ATP2C1: variants seen among roughly 807,000 people sequenced by gnomAD.
ATP2C1 encodes the protein calcium-transporting ATPase type 2C member 1.
ATP2C1 carries 31 observed loss-of-function variants against 120.5 expected under a neutral mutation model. That is an observed-to-expected ratio of 0.26 (90% CI 0.19 to 0.35). The LOEUF (loss-of-function observed/expected upper bound fraction) is 0.35. ATP2C1 is among the 10% of genes least tolerant of loss of function. The probability of loss-of-function intolerance (pLI) is 1.00; values close to 1 mark genes in which losing one functional copy is unlikely to be tolerated. For missense variants in ATP2C1, 731 were observed against 1,107.5 expected (o/e 0.66, Z 4.83); for synonymous variants, 351 against 358.7 (o/e 0.98, Z 0.24).
At chr3:130,965,157 A>G (rs2060996781) in intron 14 of ATP2C1, 112 bp downstream of exon 14, 1 of 734,820 alleles carries the variant, frequency 1.4e-6, no homozygotes, top group Admixed American at 2.0e-5. Context: ...GTAAATTAGT[A>G]GTGGAGTTAT....
At chr3:130,900,013 T>TA (rs2070013080) in intron 2 of ATP2C1, among the ~76,000 whole-genome samples, 1 of 152,060 alleles carries the variant, frequency 6.6e-6, no homozygotes, top group African/African-American at 2.4e-5. Flanking sequence ...CAGAAGGAAA[T>TA]ACGTTAATTT....
chr3:130,936,980 A>C (rs1331203472), intron 5 of ATP2C1, among the ~76,000 whole-genome samples: 1 of 151,664 alleles, frequency 6.6e-6, no homozygotes, highest in Non-Finnish European at 1.5e-5. Context: ...GTCATATATT[A>C]AAATATAAAA....
At chr3:130,916,671 G>A (rs1255885848) in intron 2 of ATP2C1, among the ~76,000 whole-genome samples, 1 of 152,100 alleles carries the variant, frequency 6.6e-6, no homozygotes. Context: ...TGAAGTGGAG[G>A]ACTGTTTGAA....
At chr3:130,997,458 C>T (rs1379158988) in intron 24 of ATP2C1, 148 bp from the exon 25 acceptor site, 20 of 696,550 alleles carry the variant, frequency 2.9e-5, no homozygotes, top group Admixed American at 5.3e-5. Flanking sequence ...GTTATTTTTG[C>T]GTAATCAGCC....
At chr3:130,932,637 T>C (rs1376315771) in intron 4 of ATP2C1, among the ~76,000 whole-genome samples, 3 of 152,154 alleles carry the variant, frequency 2.0e-5, no homozygotes, top group Admixed American at 6.5e-5. Context: ...TAGTTATTTA[T>C]ATTTTTTCAT....
At chr3:130,915,075 AT>A in intron 2 of ATP2C1, among the ~76,000 whole-genome samples, 1 of 150,040 alleles carries the variant, frequency 6.7e-6, no homozygotes, top group South Asian at 2.1e-4. Flanking sequence ...ACTTACTGGG[AT>A]TAATTCATTC....
intron 11 of ATP2C1, 61 bp downstream of exon 11, chr3:130,956,240 G>T: frequency 9.7e-7 from 1 of 1,030,282 alleles, no homozygotes; most frequent in Non-Finnish European, 1.5e-6. Context: ...AATGTGAAGG[G>T]TGGTGGTATT....
Position 130,956,157 on chromosome 3 carries a change from C to T in ATP2C1, c.810C>T (p.Ser270=), listed in dbSNP as rs377696166. Residue 270 remains serine (S), a synonymous_variant, in exon 11 of 28, where the codon TCC becomes TCT. Transcript: ENST00000510168. The stretch of plus-strand genomic sequence containing the variant: ...TGGACCTCTTAGGAAAACAACTTTC[C>T]TTTTACTCCTTTGGTATAATAGGTA... ...KSMDLLGKQL[S]FYSFGIIGII... 13 of 1,607,026 alleles carry T rather than the reference C, an allele frequency of 8.1e-6. No homozygotes were observed. In the African/African-American group the frequency reaches 1.3e-4, roughly 17 times the overall value.
At chr3:130,969,094 A>G (rs1453652953) in intron 16 of ATP2C1, among the ~76,000 whole-genome samples, 198 bp from the exon 17 acceptor site, 1 of 152,212 alleles carries the variant, frequency 6.6e-6, no homozygotes, top group Non-Finnish European at 1.5e-5. Context: ...GACTATATCT[A>G]CATACCTGGG....
intron 2 of ATP2C1, among the ~76,000 whole-genome samples, chr3:130,895,690 A>C (rs921572254): frequency 5.9e-5 from 9 of 152,214 alleles, no homozygotes; most frequent in Admixed American, 3.3e-4. Context: ...AAGGAGCTGC[A>C]GTCTTGCTGG....
At chr3:130,983,831 C>T (rs1180780943) in intron 20 of ATP2C1, among the ~76,000 whole-genome samples, 1 of 152,138 alleles carries the variant, frequency 6.6e-6, no homozygotes, top group Non-Finnish European at 1.5e-5. Context: ...CATGTCTTTT[C>T]CTGGCTTAGT....
chr3:130,969,217 G>A (rs1229637053), intron 16 of ATP2C1, 75 bp from the exon 17 acceptor site: 2 of 980,992 alleles, frequency 2.0e-6, no homozygotes, highest in Non-Finnish European at 3.3e-6. Context: ...GTTACAAGTG[G>A]TGACCCTTGT....
intron 21 of ATP2C1, 119 bp downstream of exon 21, chr3:130,993,120 C>A: frequency 1.0e-5 from 8 of 803,854 alleles, no homozygotes; most frequent in South Asian, 1.6e-5. Flanking sequence ...TGAAGCAAAA[C>A]AGTTTTTTTT....
At chr3:130,983,822 A>C (rs969295081) in intron 20 of ATP2C1, among the ~76,000 whole-genome samples, 4 of 152,168 alleles carry the variant, frequency 2.6e-5, no homozygotes, top group African/African-American at 9.6e-5. Flanking sequence ...AGGTTTCACC[A>C]TGTCTTTTCC....
intron 1 of ATP2C1, among the ~76,000 whole-genome samples, chr3:130,883,923 C>A (rs1576586899): frequency 7.0e-6 from 1 of 143,276 alleles, no homozygotes; most frequent in African/African-American, 2.6e-5. Context: ...TCTTTTCTTT[C>A]TTTCTTTCTT....
At chr3:130,971,966 GA>G (rs552692771) in intron 17 of ATP2C1, among the ~76,000 whole-genome samples, 102 of 152,268 alleles carry the variant, frequency 6.7e-4, no homozygotes, top group Admixed American at 4.1e-3. Flanking sequence ...GAAGATTCAA[GA>G]GTTTTAGAAA....
chr3:130,906,928 C>G (rs1047921040), intron 2 of ATP2C1, among the ~76,000 whole-genome samples: 1 of 151,850 alleles, frequency 6.6e-6, no homozygotes, highest in Non-Finnish European at 1.5e-5. Context: ...GTAGATTTTG[C>G]GATAAGTTAG....
chr3:130,911,038 T>C (rs1280843427), intron 2 of ATP2C1, among the ~76,000 whole-genome samples: 1 of 151,970 alleles, frequency 6.6e-6, no homozygotes, highest in East Asian at 1.9e-4. Flanking sequence ...AGTTCCTCCT[T>C]GTACCTCTGA....
chr3:130,895,568 A>AT (rs973980729), intron 2 of ATP2C1, among the ~76,000 whole-genome samples: 262 of 151,256 alleles, frequency 1.7e-3, no homozygotes, highest in African/African-American at 5.9e-3. Context: ...GTGCGTGATC[A>AT]TTTTTTTTTC....
Sources: gnomAD v4.1 joint callset for allele counts (sites outside exome capture counted in the v4.1 genomes callset) on GRCh38, gnomAD v4.1.1 for gene constraint, MANE v1.5 for transcripts, NCBI Gene and HGNC (gene_info 2026-07-23, HGNC 2026-07-21) for gene names.